The following NCMAP variants were observed in gnomAD, a reference collection of about 807,000 sequenced individuals.
NCMAP encodes non-compact myelin associated protein.
A neutral mutation model predicts 7.8 loss-of-function variants in NCMAP; 8 were observed. The ratio of observed to expected loss-of-function variants is 1.02; its 90% confidence interval spans 0.60 to 1.84. The LOEUF (loss-of-function observed/expected upper bound fraction) is 1.84. Ranked by LOEUF, NCMAP falls within the 40% of genes most tolerant of loss-of-function variation. NCMAP has a pLI of 0.00. For missense variants in NCMAP, 112 were observed against 131.4 expected (o/e 0.85, Z 0.72); for synonymous variants, 41 against 52.9 (o/e 0.78, Z 0.98).
At chr1:24,579,003 C>T (rs1023130366) in intron 1 of NCMAP, among the ~76,000 whole-genome samples, 2 of 152,134 alleles carry the variant, frequency 1.3e-5, no homozygotes, top group African/African-American at 2.4e-5. Flanking sequence ...GAACCTCCCC[C>T]ACCCCAGTCA....
chr1:24,603,869 T>A (rs9726624), intron 3 of NCMAP, among the ~76,000 whole-genome samples: 8,246 of 152,334 alleles, frequency 0.054, 766 homozygotes, highest in African/African-American at 0.19. Flanking sequence ...TGTCTTAGAC[T>A]ATGCTGTGCT....
intron 1 of NCMAP, among the ~76,000 whole-genome samples, chr1:24,575,285 G>GT (rs1557595823): frequency 6.6e-6 from 1 of 151,976 alleles, no homozygotes; most frequent in African/African-American, 2.4e-5. Context: ...AAAAGTTTCA[G>GT]TTTTTTTCCC....
intron 1 of NCMAP, among the ~76,000 whole-genome samples, chr1:24,578,865 C>T (rs1260248183): frequency 6.6e-6 from 1 of 152,170 alleles, no homozygotes; most frequent in Non-Finnish European, 1.5e-5. Flanking sequence ...CTACACCTGA[C>T]TGAGAGCTTT....
chr1:24,577,420 T>TTTTTTG (rs761225507), intron 1 of NCMAP, among the ~76,000 whole-genome samples: 6,126 of 143,834 alleles, frequency 0.043, 187 homozygotes, highest in East Asian at 0.13. Context: ...TTTTTTTTTT[T>TTTTTTG]TTTTTTTTTT....
intron 3 of NCMAP, among the ~76,000 whole-genome samples, chr1:24,604,987 G>A (rs1652672079): frequency 6.6e-6 from 1 of 151,764 alleles, no homozygotes; most frequent in South Asian, 2.1e-4. Context: ...ATGGTGACAG[G>A]TGCCTGTGAT....
intron 1 of NCMAP, among the ~76,000 whole-genome samples, chr1:24,577,404 T>TTTTTTTTG (rs1557596520): frequency 2.1e-5 from 2 of 93,184 alleles, no homozygotes; most frequent in African/African-American, 7.9e-5. Flanking sequence ...TGGCCTTGTT[T>TTTTTTTTG]TTTTTTTTTT....
chr1:24,557,180 A>T (rs116121465), intron 1 of NCMAP, among the ~76,000 whole-genome samples: 311 of 152,306 alleles, frequency 2.0e-3, no homozygotes, highest in Admixed American at 4.6e-3. Context: ...GGTGCCCAGC[A>T]TGCAGTAGGT....
rs1183248767 is a variant in NCMAP, at chr1:24,605,854, C to T, written c.*107C>T. The T allele has an allele frequency of 3.8e-6, 5 of 1,332,188 alleles. No homozygotes were observed. The highest frequency in any genetic ancestry group is 3.0e-5 in the African/African-American group (2 of 67,678). The allele number at this position is 1,332,188 out of a possible 1,614,324, so 82.5% of individuals were successfully genotyped here. ...CACAATGAGCTTCTTCTGGTCAGGT[C>T]GACAGAGACATCTTTGACGCAATCT... On this transcript the variant is annotated 3_prime_UTR_variant, in exon 4 of 4. Transcript: ENST00000374392.
chr1:24,574,941 A>AC (rs113868019), intron 1 of NCMAP, among the ~76,000 whole-genome samples: 22,596 of 151,464 alleles, frequency 0.15, 2,515 homozygotes, highest in African/African-American at 0.32. Flanking sequence ...GATTACAGGC[A>AC]CCACCATCAT....
intron 1 of NCMAP, among the ~76,000 whole-genome samples, chr1:24,577,401 G>GTTCTTTTTTTTTT (rs1651604908): frequency 2.5e-5 from 1 of 39,958 alleles, no homozygotes; most frequent in Non-Finnish European, 4.5e-5. Context: ...CACTGGCCTT[G>GTTCTTTTTTTTTT]TTTTTTTTTT....
At position 24,595,794 on chromosome 1, in the gene NCMAP, CTTT is replaced by C. The variant is rs34640170; in HGVS notation, c.82+301_82+303del. On this transcript the variant is annotated intron_variant, in intron 2 of 3. Coordinates refer to ENST00000374392, the MANE Select transcript of NCMAP (RefSeq NM_001010980.5). ...AGGGCAAATGGGGACTGGACTGTGTCTTTTTTTTTTTTTTTTTTTTTGAGATGG... is the reference window on the plus strand; with the variant it reads ...AGGGCAAATGGGGACTGGACTGTGTCTTTTTTTTTTTTTTTTTTGAGATGG... Among the ~76,000 whole-genome samples the C allele has an allele frequency of 5.6e-3, 672 of 119,462 alleles. 2 individuals carry two copies. The highest frequency in any genetic ancestry group is 0.015 in the African/African-American group (491 of 32,796). 78.4% of individuals were successfully genotyped at this position (119,462 alleles called of 152,430 possible). A position where few individuals can be genotyped will look rare whatever the true frequency, so the allele number is the denominator to read the frequency against.
chr1:24,582,809 C>A (rs1453540657), intron 1 of NCMAP, among the ~76,000 whole-genome samples: 2 of 145,464 alleles, frequency 1.4e-5, no homozygotes, highest in Admixed American at 6.7e-5. Flanking sequence ...CAATAGGAAA[C>A]GTATAGATCC....
At chr1:24,572,070 G>A (rs971074103) in intron 1 of NCMAP, among the ~76,000 whole-genome samples, 3 of 150,838 alleles carry the variant, frequency 2.0e-5, no homozygotes, top group African/African-American at 5.0e-5. Context: ...GCTGGGTGGT[G>A]AAAGCCTGGC....
chr1:24,585,547 G>T (rs1260967811), intron 1 of NCMAP, among the ~76,000 whole-genome samples: 2 of 152,168 alleles, frequency 1.3e-5, no homozygotes, highest in Non-Finnish European at 2.9e-5. Flanking sequence ...AGAATCACTG[G>T]TTGGAAAAGC....
intron 3 of NCMAP, among the ~76,000 whole-genome samples, chr1:24,603,533 C>G (rs61686184): frequency 6.6e-6 from 1 of 152,076 alleles, no homozygotes; most frequent in Non-Finnish European, 1.5e-5. Flanking sequence ...CCTGTTTGCA[C>G]TGATGCCTGA....
chr1:24,570,346 TTAGTC>T (rs1651352956), intron 1 of NCMAP, among the ~76,000 whole-genome samples: 1 of 150,632 alleles, frequency 6.6e-6, no homozygotes, highest in South Asian at 2.1e-4. Context: ...TTTTTATAGA[TTAGTC>T]GAGTGCAGTG....
At chr1:24,594,635 A>T (rs1257459318) in intron 1 of NCMAP, among the ~76,000 whole-genome samples, 1 of 152,116 alleles carries the variant, frequency 6.6e-6, no homozygotes, top group Non-Finnish European at 1.5e-5. Context: ...TTACGCCCCA[A>T]CCATGCCCAT....
chr1:24,565,875 A>G (rs1651214292), intron 1 of NCMAP, among the ~76,000 whole-genome samples: 1 of 151,816 alleles, frequency 6.6e-6, no homozygotes, highest in Admixed American at 6.6e-5. Flanking sequence ...CTTAATCCCC[A>G]CTTGTCAAGG....
intron 2 of NCMAP, among the ~76,000 whole-genome samples, chr1:24,599,154 C>T (rs939980181): frequency 2.0e-5 from 3 of 151,300 alleles, no homozygotes; most frequent in Admixed American, 1.3e-4. Context: ...ATGGCAGGCA[C>T]CTGTAATCCC....
Sources: gnomAD v4.1 joint callset for allele counts (sites outside exome capture counted in the v4.1 genomes callset) on GRCh38, gnomAD v4.1.1 for gene constraint, MANE v1.5 for transcripts, NCBI Gene and HGNC (gene_info 2026-07-23, HGNC 2026-07-21) for gene names.